Variants in UPP2 observed in about 807,000 individuals in gnomAD.
UPP2 encodes UPase 2.
In UPP2, 23 loss-of-function variants were observed where a neutral mutation model predicts 26.7. The observed-to-expected ratio is 0.86, with a 90% CI of 0.62 to 1.22. The LOEUF (loss-of-function observed/expected upper bound fraction) is 1.22, where lower values mean the gene tolerates loss of function less well. Ranked by LOEUF, UPP2 falls within the 50% of genes most tolerant of loss-of-function variation. The probability of loss-of-function intolerance (pLI) is 0.00; values close to 1 mark genes in which losing one functional copy is unlikely to be tolerated. For synonymous variants in UPP2, 127 were observed against 141.3 expected (o/e 0.90, Z 0.72); for missense variants, 387 against 396.7 (o/e 0.98, Z 0.21).
chr2:158,030,483 G>A (rs2105155801), intron 3 of UPP2, among the ~76,000 whole-genome samples: 1 of 152,230 alleles, frequency 6.6e-6, no homozygotes, highest in African/African-American at 2.4e-5. Context: ...ATAGATTTCT[G>A]TTCTGTGTAA....
chr2:158,060,353 A>G lies in UPP2; in HGVS notation c.148-41687A>G, dbSNP rs372902862. Among the ~76,000 whole-genome samples, 144 of 152,292 alleles carry G rather than the reference A, an allele frequency of 9.5e-4. 4 individuals are homozygous for G. In the South Asian group the frequency reaches 0.025, roughly 27 times the overall value. ...ATTGTGGAGTGAGATGAGATGATAC[A>G]TGTAAAGCACTTCAAGGAGTGTCTG... On this transcript the variant is annotated intron_variant, in intron 3 of 9. Transcript: ENST00000605860.
At chr2:158,059,208 C>T (rs1223121057) in intron 3 of UPP2, among the ~76,000 whole-genome samples, 1 of 152,190 alleles carries the variant, frequency 6.6e-6, no homozygotes, top group Non-Finnish European at 1.5e-5. Context: ...TTCAAGAAGT[C>T]CAAGCATGAT....
chr2:158,064,589 T>A (rs531914641), intron 3 of UPP2, among the ~76,000 whole-genome samples: 1 of 152,220 alleles, frequency 6.6e-6, no homozygotes, highest in Non-Finnish European at 1.5e-5. Context: ...CTCTTTAGTT[T>A]AATTAGATCC....
At chr2:158,133,498 A>G (rs1475694962) in intron 6 of UPP2, among the ~76,000 whole-genome samples, 1 of 152,170 alleles carries the variant, frequency 6.6e-6, no homozygotes. Flanking sequence ...AAAAATCTTT[A>G]AGAGAGTAGA....
At position 158,044,177 on chromosome 2, in the gene UPP2, G is replaced by A. The variant is rs539888674; in HGVS notation, c.147+28291G>A. ...AAAAATGGGTTAGATTTAGACTAGC[G>A]GTAGATGGGGGCAAAAATCATTGAG... On this transcript the variant is annotated intron_variant, in intron 3 of 9. Transcript: ENST00000605860. Among the ~76,000 whole-genome samples the A allele has an allele frequency of 9.8e-4, 149 of 152,278 alleles. 2 individuals are homozygous for A. The highest frequency in any genetic ancestry group is 3.0e-3 in the African/African-American group (124 of 41,556).
At chr2:158,077,823 A>G (rs1400296403) in intron 3 of UPP2, among the ~76,000 whole-genome samples, 1 of 152,098 alleles carries the variant, frequency 6.6e-6, no homozygotes, top group Admixed American at 6.6e-5. Flanking sequence ...GAAACAATCA[A>G]CAAAGTGCAT....
chr2:158,022,965 CAG>C (rs2105149858), intron 3 of UPP2, among the ~76,000 whole-genome samples: 1 of 152,242 alleles, frequency 6.6e-6, no homozygotes, highest in South Asian at 2.1e-4. Flanking sequence ...GGTGGAGTCT[CAG>C]AGCAGTGGCA....
chr2:158,062,129 C>A (rs1682361965), intron 3 of UPP2, among the ~76,000 whole-genome samples: 1 of 152,110 alleles, frequency 6.6e-6, no homozygotes, highest in Non-Finnish European at 1.5e-5. Flanking sequence ...ACTTGTAAGC[C>A]CTTTACGGAA....
chr2:158,083,871 A>T (rs549876723), intron 3 of UPP2, among the ~76,000 whole-genome samples: 1 of 148,368 alleles, frequency 6.7e-6, no homozygotes, highest in East Asian at 2.0e-4. Flanking sequence ...TGTTTTTTAT[A>T]TATATATATA....
At chr2:157,995,387 G>T (rs1683309313) in intron 2 of UPP2, 2 of 1,024,248 alleles carry the variant, frequency 2.0e-6, no homozygotes, top group African/African-American at 3.2e-5. Flanking sequence ...TCCATCAACT[G>T]GCACAAATAA....
Position 158,116,910 on chromosome 2 carries a change from C to T in UPP2, c.340-914C>T, listed in dbSNP as rs111490957. On this transcript the variant is annotated intron_variant, in intron 3 of 6. Transcript: ENST00000005756. ...TGCAATGGGAACCAGAAAGGGGTAA[C>T]GCAGAGGTTCGAAGTTTCCATAGCT... Among the ~76,000 whole-genome samples, 1,025 of 149,322 alleles carry T rather than the reference C, an allele frequency of 6.9e-3. 16 individuals carry two copies. The highest frequency in any genetic ancestry group is 0.011 in the Non-Finnish European group (724 of 65,930).
intron 2 of UPP2, among the ~76,000 whole-genome samples, chr2:157,995,812 GA>G (rs890379412): frequency 2.0e-5 from 3 of 151,158 alleles, no homozygotes; most frequent in Admixed American, 6.6e-5. Context: ...TAATGGTTTT[GA>G]AAAAAAGCTA....
At chr2:158,121,713 A>G in intron 5 of UPP2, 95 bp downstream of exon 5, 1 of 1,128,124 alleles carries the variant, frequency 8.9e-7, no homozygotes, top group Non-Finnish European at 1.3e-6. Flanking sequence ...TCTACTTAAG[A>G]AAATTAATAT....
At chr2:158,076,885 T>A (rs1463093533) in intron 3 of UPP2, among the ~76,000 whole-genome samples, 1 of 152,082 alleles carries the variant, frequency 6.6e-6, no homozygotes, top group Admixed American at 6.6e-5. Context: ...AAATTATTCT[T>A]GTTTGCAGAT....
At chr2:158,006,342 G>A (rs1303270758) in intron 2 of UPP2, among the ~76,000 whole-genome samples, 1 of 151,992 alleles carries the variant, frequency 6.6e-6, no homozygotes, top group African/African-American at 2.4e-5. Context: ...GGTGGTGGGC[G>A]CCTGTAGTCC....
intron 6 of UPP2, 46 bp downstream of exon 6, chr2:158,123,941 A>G (rs984878659): frequency 6.9e-6 from 11 of 1,595,254 alleles, no homozygotes; most frequent in African/African-American, 1.3e-5. Flanking sequence ...CTCTTTCATG[A>G]AGCTACTTTT....
intron 3 of UPP2, among the ~76,000 whole-genome samples, chr2:158,076,092 C>A (rs1080176): frequency 0.64 from 96,556 of 151,624 alleles, 31,310 homozygotes; most frequent in Non-Finnish European, 0.69. Flanking sequence ...AGATAAATTC[C>A]TAGACATATA....
At chr2:158,031,794 C>G (rs1369911246) in intron 3 of UPP2, among the ~76,000 whole-genome samples, 2 of 152,184 alleles carry the variant, frequency 1.3e-5, no homozygotes, top group Admixed American at 1.3e-4. Context: ...GCATTTCCTA[C>G]ATTTTTGGTT....
At chr2:158,020,816 G>A (rs896632228) in intron 3 of UPP2, among the ~76,000 whole-genome samples, 5 of 152,356 alleles carry the variant, frequency 3.3e-5, no homozygotes, top group Admixed American at 2.6e-4. Flanking sequence ...GAGCAGCTTA[G>A]TGTAAGAATT....
Sources: gnomAD v4.1 joint callset for allele counts (sites outside exome capture counted in the v4.1 genomes callset) on GRCh38, gnomAD v4.1.1 for gene constraint, MANE v1.5 for transcripts, NCBI Gene and HGNC (gene_info 2026-07-23, HGNC 2026-07-21) for gene names.